SFSWAP: variants seen among roughly 807,000 people sequenced by gnomAD.
The protein encoded by SFSWAP is splicing factor, suppressor of white-apricot homolog.
A neutral mutation model predicts 100.7 loss-of-function variants in SFSWAP; 17 were observed. The ratio of observed to expected loss-of-function variants is 0.17; its 90% CI spans 0.12 to 0.25. SFSWAP has a LOEUF of 0.25. SFSWAP is among the 10% of genes least tolerant of loss of function. The pLI, the probability that SFSWAP is intolerant of heterozygous loss-of-function variation, is 1.00. For missense variants in SFSWAP, 1,005 were observed against 1,262.6 expected (o/e 0.80, Z 3.09); for synonymous variants, 504 against 510.1 (o/e 0.99, Z 0.16).
At position 131,725,460 on chromosome 12, in the gene SFSWAP, G is replaced by A. The variant is rs142183661; in HGVS notation, c.662G>A (p.Arg221Lys). The change falls in exon 5 of 18, where the codon AGG becomes AAG. Residue 221 changes from arginine (R) to lysine (K), a missense_variant. Arg to Lys is a conservative substitution (Grantham distance 26). Transcript: ENST00000261674. The surrounding 1 kb of genome is among the most constrained non-coding windows in gnomAD (Gnocchi z 4.3). Reference protein sequence around the residue: ...IIERTASFVCRQGAQFEIMLK... With the variant: ...IIERTASFVCKQGAQFEIMLK... ...GAGCGCACGGCCAGCTTCGTGTGCAGGCAGGGAGCACAGTTTGAGATCATG... is the reference window on the plus strand; with the variant it reads ...GAGCGCACGGCCAGCTTCGTGTGCAAGCAGGGAGCACAGTTTGAGATCATG... The A allele has an allele frequency of 5.2e-5, 84 of 1,614,054 alleles. No individual in the cohort carries two copies. Among genetic ancestry groups the A allele is most frequent in the Non-Finnish European group, 6.6e-5 (78 of 1,180,050 alleles).
chr12:131,742,633 CTTT>C (rs35922926), intron 7 of SFSWAP, among the ~76,000 whole-genome samples: 1 of 142,462 alleles, frequency 7.0e-6, no homozygotes, highest in Non-Finnish European at 1.5e-5. Context: ...TGTTGGGGGA[CTTT>C]TTTTTTTTTT....
chr12:131,788,434 G>C (rs564219490), intron 15 of SFSWAP, among the ~76,000 whole-genome samples: 1 of 152,166 alleles, frequency 6.6e-6, no homozygotes, highest in Non-Finnish European at 1.5e-5. Context: ...AGGTGAATAC[G>C]TGTGTAATTA....
intron 7 of SFSWAP, among the ~76,000 whole-genome samples, chr12:131,738,489 A>G (rs1406809621): frequency 1.3e-5 from 2 of 152,254 alleles, no homozygotes; most frequent in Non-Finnish European, 2.9e-5. Context: ...TACTTACGTT[A>G]AAGTGGAAAT....
rs1359163895 is a variant in SFSWAP at position 131,727,066 on chromosome 12, T to G, written c.945+14T>G. On this transcript the variant is annotated intron_variant, in intron 6 of 17. Transcript: ENST00000261674. ...GAGCTGATGAAGGTTTTTATCTCAT[T>G]GTTGAACTATATTTTTATGCCACCA... is the stretch of plus-strand genomic sequence containing the variant. 1 of 1,431,742 alleles carries G rather than the reference T, an allele frequency of 7.0e-7. No homozygotes were observed. The highest frequency in any genetic ancestry group is 1.4e-5 in the African/African-American group (1 of 70,946). 88.7% of individuals were successfully genotyped at this position (1,431,742 alleles called of 1,614,324 possible). A position where few individuals can be genotyped will look rare whatever the true frequency, so the allele number is the denominator to read the frequency against.
chr12:131,756,398 C>T, intron 10 of SFSWAP, 75 bp from the exon 11 acceptor site: 1 of 1,192,300 alleles, frequency 8.4e-7, no homozygotes. Flanking sequence ...GAAACATATA[C>T]CGTATACATC....
intron 7 of SFSWAP, among the ~76,000 whole-genome samples, chr12:131,744,982 T>C (rs1359412560): frequency 1.3e-5 from 2 of 152,146 alleles, no homozygotes; most frequent in African/African-American, 4.8e-5. Flanking sequence ...CCCACCCCCA[T>C]AATTCTGTCA....
chr12:131,737,325 C>T (rs866148888), intron 7 of SFSWAP, among the ~76,000 whole-genome samples: 1 of 152,136 alleles, frequency 6.6e-6, no homozygotes, highest in Non-Finnish European at 1.5e-5. Flanking sequence ...GGACCAGTGG[C>T]CAGCACAGAG....
chr12:131,737,782 T>C (rs1241635438), intron 7 of SFSWAP, among the ~76,000 whole-genome samples: 1 of 152,092 alleles, frequency 6.6e-6, no homozygotes, highest in Non-Finnish European at 1.5e-5. Context: ...AGCATCTATT[T>C]TTTTCCTTAA....
chr12:131,766,400 C>A (rs1593166612), intron 13 of SFSWAP, 92 bp downstream of exon 13: 1 of 1,189,898 alleles, frequency 8.4e-7, no homozygotes, highest in Non-Finnish European at 1.2e-6. Context: ...TAGTCTCTGG[C>A]CTGAGTGAGG....
intron 14 of SFSWAP, among the ~76,000 whole-genome samples, chr12:131,780,158 G>T (rs1884384442): frequency 6.6e-6 from 1 of 152,162 alleles, no homozygotes; most frequent in African/African-American, 2.4e-5. Flanking sequence ...AGTGAAATTG[G>T]ATTTGACTCC....
chr12:131,761,734 T>A (rs1882696013), intron 11 of SFSWAP, among the ~76,000 whole-genome samples: 1 of 152,198 alleles, frequency 6.6e-6, no homozygotes, highest in Admixed American at 6.5e-5. Flanking sequence ...ATTTTGTGAT[T>A]GAAAAATTCC....
Position 131,753,308 on chromosome 12 carries a change from C to A in SFSWAP, c.1267C>A (p.Pro423Thr). 2 of 1,611,054 alleles carry A rather than the reference C, an allele frequency of 1.2e-6. No homozygotes were observed. The highest frequency in any genetic ancestry group is 1.1e-5 in the South Asian group (1 of 90,940). The change falls in exon 8 of 18, where the codon CCC becomes ACC. Residue 423 changes from proline to threonine, a missense_variant. By Grantham distance (38) the Pro-to-Thr change is conservative. Transcript: ENST00000261674. The part of the protein sequence containing the change: ...PPPPGTTPLP[P>T]PTTAETSSGA... ...ACCTCCTGGGACCACACCACTACCG[C>A]CCCCAACCACAGCAGAGACTAGCAG...
chr12:131,715,958 C>T (rs1246764311), intron 3 of SFSWAP, among the ~76,000 whole-genome samples: 5 of 152,196 alleles, frequency 3.3e-5, no homozygotes, highest in African/African-American at 1.2e-4. Context: ...CCTTGGCCTC[C>T]CAAAGCACTG....
intron 14 of SFSWAP, chr12:131,784,851 C>T: frequency 2.5e-6 from 1 of 395,716 alleles, no homozygotes; most frequent in Non-Finnish European, 4.5e-6. Flanking sequence ...AATTCTATTA[C>T]TAATAGCCAT....
chr12:131,758,058 G>A (rs1882337890), intron 11 of SFSWAP: 1 of 152,674 alleles, frequency 6.5e-6, no homozygotes, highest in Non-Finnish European at 1.5e-5. Context: ...GAGCTTCCCA[G>A]AGGCAGCAGT....
intron 16 of SFSWAP, among the ~76,000 whole-genome samples, chr12:131,797,811 C>T (rs973998623): frequency 1.3e-5 from 2 of 152,244 alleles, no homozygotes; most frequent in African/African-American, 4.8e-5. Context: ...CAGACGTGGG[C>T]GTCCCAGTCC....
intron 7 of SFSWAP, among the ~76,000 whole-genome samples, chr12:131,750,495 G>T (rs553823795): frequency 6.6e-6 from 1 of 152,118 alleles, no homozygotes; most frequent in Non-Finnish European, 1.5e-5. Context: ...CACAGAGGCT[G>T]CGCGTGTCTC....
chr12:131,758,532 C>T (rs1882385308), intron 11 of SFSWAP, among the ~76,000 whole-genome samples: 1 of 152,074 alleles, frequency 6.6e-6, no homozygotes, highest in African/African-American at 2.4e-5. Flanking sequence ...GGCATATGGG[C>T]ATCTCTGAAA....
intron 15 of SFSWAP, among the ~76,000 whole-genome samples, chr12:131,795,891 G>A (rs1024486031): frequency 7.4e-5 from 11 of 149,620 alleles, no homozygotes; most frequent in Non-Finnish European, 1.5e-4. Flanking sequence ...GAGTCCCCCT[G>A]GCAGCTTCTG....
Sources: allele counts gnomAD v4.1 joint callset (sites outside exome capture counted in the v4.1 genomes callset), GRCh38; gene constraint gnomAD v4.1.1; non-coding constraint Gnocchi (gnomAD v3.1); transcripts MANE v1.5; gene names NCBI Gene and HGNC (gene_info 2026-07-23, HGNC 2026-07-21).